The following DAB1 variants were observed in gnomAD, a reference collection of about 807,000 sequenced individuals.
DAB1 encodes DAB adaptor protein 1.
Under a neutral mutation model 64.6 loss-of-function variants are expected in DAB1, and 15 were observed. The observed-to-expected ratio is 0.23, with a 90% confidence interval of 0.16 to 0.36. The LOEUF is 0.36. DAB1 is among the 10% of genes least tolerant of loss of function. The pLI is 1.00. For synonymous variants in DAB1, 235 were observed against 251.9 expected, an observed-to-expected ratio of 0.93 and a Z score of 0.64; for missense variants, 596 against 706.7, an observed-to-expected ratio of 0.84 and a Z score of 1.78.
intron 2 of DAB1, among the ~76,000 whole-genome samples, chr1:57,259,950 A>T (rs542153027): frequency 6.6e-6 from 1 of 152,178 alleles, no homozygotes; most frequent in Non-Finnish European, 1.5e-5. Context: ...AAAGCAGGAC[A>T]CAAGTTTACA....
chr1:57,501,023 C>T (rs1423091578), intron 7 of DAB1, among the ~76,000 whole-genome samples: 3 of 152,236 alleles, frequency 2.0e-5, no homozygotes, highest in East Asian at 3.8e-4. Flanking sequence ...AAATCCCTTA[C>T]ATCCTGACTG....
intron 3 of DAB1, among the ~76,000 whole-genome samples, chr1:58,350,613 T>A (rs1175129727): frequency 6.6e-6 from 1 of 152,228 alleles, no homozygotes; most frequent in African/African-American, 2.4e-5. Context: ...AAGTCTTTAA[T>A]CCATCTCGAG....
At chr1:57,604,252 C>T (rs760599113) in intron 7 of DAB1, among the ~76,000 whole-genome samples, 1 of 152,210 alleles carries the variant, frequency 6.6e-6, no homozygotes, top group Non-Finnish European at 1.5e-5. Context: ...TCTAGCCACA[C>T]TGAGCTTCAA....
chr1:57,755,335 A>G (rs896515893), intron 6 of DAB1, among the ~76,000 whole-genome samples: 4 of 152,084 alleles, frequency 2.6e-5, no homozygotes, highest in Admixed American at 2.0e-4. Flanking sequence ...CACACTCTCC[A>G]TTTATTCAGG....
chr1:58,037,297 C>A (rs572426090), intron 5 of DAB1, among the ~76,000 whole-genome samples: 9 of 152,110 alleles, frequency 5.9e-5, no homozygotes, highest in Non-Finnish European at 1.0e-4. Flanking sequence ...CTCTTACTCC[C>A]TTTTTCTGAT....
At chr1:57,505,299 C>T (rs1644331661) in intron 7 of DAB1, among the ~76,000 whole-genome samples, 2 of 152,136 alleles carry the variant, frequency 1.3e-5, no homozygotes, top group Admixed American at 1.3e-4. Context: ...GCTTTTTACT[C>T]ATTAGCTAAT....
intron 7 of DAB1, among the ~76,000 whole-genome samples, chr1:57,434,876 A>G (rs1042046170): frequency 6.6e-6 from 1 of 152,240 alleles, no homozygotes. Flanking sequence ...CTTACTATGA[A>G]TGGAGATTTT....
At chr1:57,125,028 C>G (rs1035186660) in intron 4 of DAB1, among the ~76,000 whole-genome samples, 1 of 150,062 alleles carries the variant, frequency 6.7e-6, no homozygotes, top group Non-Finnish European at 1.5e-5. Flanking sequence ...ATTGTGAGGA[C>G]AGAATGAGTC....
chr1:57,498,875 G>T (rs560959624), intron 7 of DAB1, among the ~76,000 whole-genome samples: 8 of 152,312 alleles, frequency 5.3e-5, no homozygotes, highest in Non-Finnish European at 1.2e-4. Flanking sequence ...TGTTTCAAAG[G>T]CTATGTGAAC....
chr1:58,274,871 C>T (rs490246), intron 4 of DAB1, among the ~76,000 whole-genome samples: 10 of 151,548 alleles, frequency 6.6e-5, no homozygotes, highest in African/African-American at 2.2e-4. Context: ...GGCTCGCGCA[C>T]GGTGCGCGCA....
intron 2 of DAB1, among the ~76,000 whole-genome samples, chr1:57,193,059 G>A (rs1438061995): frequency 6.6e-6 from 1 of 152,028 alleles, no homozygotes; most frequent in Non-Finnish European, 1.5e-5. Flanking sequence ...TTATCTTTTT[G>A]TGTGTGTGGC....
intron 5 of DAB1, among the ~76,000 whole-genome samples, chr1:58,126,534 C>A (rs903836263): frequency 1.3e-5 from 2 of 151,330 alleles, no homozygotes; most frequent in Non-Finnish European, 2.9e-5. Flanking sequence ...TATACATGTG[C>A]CATGCTGGTG....
chr1:57,511,830 AT>A (rs2101350559), intron 7 of DAB1, among the ~76,000 whole-genome samples: 1 of 152,170 alleles, frequency 6.6e-6, no homozygotes, highest in East Asian at 1.9e-4. Context: ...GCAAAGTCAC[AT>A]TTACCATCTG....
chr1:58,464,284 A>C (rs1477604259), intron 3 of DAB1, among the ~76,000 whole-genome samples: 1 of 152,228 alleles, frequency 6.6e-6, no homozygotes, highest in East Asian at 1.9e-4. Flanking sequence ...GTATTTGTAC[A>C]GGTCCTTCCC....
At position 57,845,385 on chromosome 1, in the gene DAB1, T is replaced by C. The variant is rs560141965; in HGVS notation, n.88-18930A>G. The stretch of plus-strand genomic sequence containing the variant: ...GAATTATGGGGAAAAAGTGAACTGA[T>C]GGATTTTTCAGTCTTGTATCCAATT... On this transcript the variant is annotated intron_variant and non_coding_transcript_variant, in intron 1 of 1. Transcript: ENST00000477280. 4.1e-4 allele frequency among the ~76,000 whole-genome samples: 62 copies of C among 152,280 alleles called. 2 individuals are homozygous for C. In the South Asian group the frequency reaches 0.012, roughly 30 times the overall value.
rs552605244 is a variant in DAB1 at position 57,658,742 on chromosome 1, A to AT, written n.552-9078dup. Reference sequence around the variant, plus strand: ...CACGCCCAGCTAATTTTCTTTCTGTATTTTTTTAGTAGAGATGAGGTTTTG... The same window carrying AT: ...CACGCCCAGCTAATTTTCTTTCTGTATTTTTTTTAGTAGAGATGAGGTTTTG... On this transcript the variant is annotated intron_variant and non_coding_transcript_variant, in intron 6 of 20. Coordinates refer to the DAB1 transcript ENST00000485760. 1.3e-4 allele frequency among the ~76,000 whole-genome samples: 20 copies of AT among 151,858 alleles called. No homozygotes were observed. In the East Asian group the frequency reaches 2.5e-3, roughly 19 times the overall value.
chr1:58,286,620 A>G (rs1467133524), intron 4 of DAB1, among the ~76,000 whole-genome samples: 1 of 152,256 alleles, frequency 6.6e-6, no homozygotes, highest in East Asian at 1.9e-4. Flanking sequence ...ACAATGAGAT[A>G]CTATCTCACA....
chr1:57,844,631 C>A (rs1653196760), intron 1 of DAB1, among the ~76,000 whole-genome samples: 1 of 152,212 alleles, frequency 6.6e-6, no homozygotes, highest in Non-Finnish European at 1.5e-5. Context: ...CTGGTACCTT[C>A]TCTGCCCTGC....
At chr1:57,078,969 T>G (rs1401542900) in intron 4 of DAB1, among the ~76,000 whole-genome samples, 2 of 152,176 alleles carry the variant, frequency 1.3e-5, no homozygotes, top group Non-Finnish European at 2.9e-5. Flanking sequence ...GAAAATGGAT[T>G]TGCTATAAGA....
Sources: gnomAD v4.1 joint callset for allele counts (sites outside exome capture counted in the v4.1 genomes callset) on GRCh38, gnomAD v4.1.1 for gene constraint, MANE v1.5 for transcripts, NCBI Gene and HGNC (gene_info 2026-07-23, HGNC 2026-07-21) for gene names.